RABEP1: variants seen among roughly 807,000 people sequenced by gnomAD.
RABEP1 encodes rab GTPase-binding effector protein 1.
RABEP1 carries 51 observed loss-of-function variants against 123.4 expected under a neutral mutation model. That is an observed-to-expected ratio of 0.41 (90% CI 0.33 to 0.52). The LOEUF is 0.52. Among genes scored for constraint, RABEP1 ranks in the 20% least tolerant of loss-of-function variants. The pLI is 0.16. For synonymous variants in RABEP1, 347 were observed against 355.2 expected (o/e 0.98, Z 0.26); for missense variants, 888 against 996.3 (o/e 0.89, Z 1.46).
intron 2 of RABEP1, among the ~76,000 whole-genome samples, chr17:5,314,735 G>T (rs1336993435): frequency 6.6e-6 from 1 of 152,220 alleles, no homozygotes; most frequent in East Asian, 1.9e-4. Context: ...AGCCATGATG[G>T]TCTCGATCTC....
chr17:5,350,241 A>G (rs1467469843), intron 6 of RABEP1, among the ~76,000 whole-genome samples: 1 of 152,116 alleles, frequency 6.6e-6, no homozygotes, highest in Non-Finnish European at 1.5e-5. Context: ...TTAGCCGGGC[A>G]TGGTGGCAGG....
chr17:5,306,824 T>C (rs2075183571), intron 1 of RABEP1, among the ~76,000 whole-genome samples: 1 of 152,208 alleles, frequency 6.6e-6, no homozygotes, highest in South Asian at 2.1e-4. Context: ...AGCTAACATT[T>C]ATCAAGTTAT....
intron 1 of RABEP1, among the ~76,000 whole-genome samples, chr17:5,305,616 G>A (rs1450978500): frequency 6.6e-6 from 1 of 152,010 alleles, no homozygotes; most frequent in Non-Finnish European, 1.5e-5. Flanking sequence ...AAGAACAGAG[G>A]GATTTTGGTT....
intron 1 of RABEP1, among the ~76,000 whole-genome samples, chr17:5,288,710 C>A (rs2075003234): frequency 6.7e-6 from 1 of 148,266 alleles, no homozygotes; most frequent in Non-Finnish European, 1.5e-5. Flanking sequence ...TATTTCTTTT[C>A]TTTATTTTTT....
chr17:5,352,115 T>C (rs1908607021), intron 7 of RABEP1, among the ~76,000 whole-genome samples: 1 of 152,206 alleles, frequency 6.6e-6, no homozygotes, highest in Non-Finnish European at 1.5e-5. Context: ...GCAAAGTTTC[T>C]TCTTTTTTAA....
intron 13 of RABEP1, 30 bp downstream of exon 13, chr17:5,373,484 TCAA>T (rs1296649293): frequency 1.3e-6 from 2 of 1,574,376 alleles, no homozygotes; most frequent in African/African-American, 1.4e-5. Flanking sequence ...ATCAAAAATG[TCAA>T]CAAGTACGTT....
chr17:5,311,647 G>A (rs894371136), intron 2 of RABEP1, among the ~76,000 whole-genome samples: 2 of 124,320 alleles, frequency 1.6e-5, no homozygotes, highest in African/African-American at 6.0e-5. Flanking sequence ...AGCAAGCTGA[G>A]ATTGTGCCAC....
chr17:5,331,592 C>G (rs1361723940), intron 2 of RABEP1, among the ~76,000 whole-genome samples: 1 of 152,148 alleles, frequency 6.6e-6, no homozygotes, highest in Admixed American at 6.5e-5. Flanking sequence ...AGGTAATGTA[C>G]TAATTAGCGT....
chr17:5,345,267 T>G (rs1046653503), intron 5 of RABEP1, among the ~76,000 whole-genome samples: 2 of 152,206 alleles, frequency 1.3e-5, no homozygotes, highest in Non-Finnish European at 2.9e-5. Context: ...TTCTCTGTAT[T>G]TTCTCCTGCA....
chr17:5,355,956 C>A (rs1908976654), intron 8 of RABEP1, among the ~76,000 whole-genome samples: 1 of 152,044 alleles, frequency 6.6e-6, no homozygotes, highest in Non-Finnish European at 1.5e-5. Flanking sequence ...TTTCATCATG[C>A]AGTAATCTAT....
At chr17:5,358,657 C>G (rs375506806) in intron 8 of RABEP1, among the ~76,000 whole-genome samples, 1 of 148,246 alleles carries the variant, frequency 6.7e-6, no homozygotes, top group South Asian at 2.2e-4. Context: ...AGTGACAGAG[C>G]GAGACTGTCT....
intron 16 of RABEP1, 145 bp downstream of exon 16, chr17:5,380,607 A>G: frequency 1.4e-6 from 1 of 732,642 alleles, no homozygotes; most frequent in Non-Finnish European, 2.4e-6. Flanking sequence ...AAAAGAAAAA[A>G]CTTAAACGAA....
At chr17:5,308,899 T>G in intron 2 of RABEP1, 77 bp downstream of exon 2, 2 of 1,323,942 alleles carry the variant, frequency 1.5e-6, no homozygotes, top group Non-Finnish European at 2.0e-6. Flanking sequence ...GTAGTGTTAA[T>G]TTTATCATTG....
chr17:5,331,902 C>T (rs141080663), intron 2 of RABEP1, 47 bp from the exon 3 acceptor site: 20 of 1,532,860 alleles, frequency 1.3e-5, no homozygotes, highest in South Asian at 4.6e-5. Flanking sequence ...GAATGCCAGT[C>T]TGATCAAAGT....
chr17:5,384,723 A>G lies in RABEP1; in HGVS notation c.*1500A>G, dbSNP rs1005183213. On this transcript the variant is annotated 3_prime_UTR_variant, in exon 18 of 18. Coordinates refer to ENST00000537505, the MANE Select transcript of RABEP1 (RefSeq NM_004703.6). ...GTTATGAATTTAAAAATAAATACCA[A>G]TTATGGAAATAGTACTAAAGGCTTG... The G allele has an allele frequency of 1.1e-3, 223 of 211,084 alleles. 3 individuals are homozygous for G. The East Asian group carries it at 0.017, about 16-fold the overall frequency. The allele number at this position is 211,084 out of a possible 1,614,324, so 13.1% of individuals were successfully genotyped here. A position where few individuals can be genotyped will look rare whatever the true frequency, so the allele number is the denominator to read the frequency against.
intron 1 of RABEP1, among the ~76,000 whole-genome samples, chr17:5,304,029 C>T (rs7208098): frequency 0.16 from 18,734 of 119,788 alleles, 1,901 homozygotes; most frequent in East Asian, 0.5. Context: ...AGCGAAATTC[C>T]ATCTCAAAAA....
intron 1 of RABEP1, among the ~76,000 whole-genome samples, chr17:5,302,262 A>ATTTTTTTTTTTTT: frequency 3.7e-5 from 1 of 27,244 alleles, no homozygotes; most frequent in African/African-American, 5.0e-4. Flanking sequence ...TTTTTTTGAG[A>ATTTTTTTTTTTTT]TGGAGTCTTG....
intron 2 of RABEP1, among the ~76,000 whole-genome samples, chr17:5,331,055 TAAAG>T (rs78916371): frequency 2.9e-5 from 2 of 67,950 alleles, no homozygotes; most frequent in African/African-American, 1.3e-4. Flanking sequence ...TTTTTTTTTT[TAAAG>T]AAACACAGCG....
chr17:5,328,811 C>G (rs568187724), intron 2 of RABEP1, among the ~76,000 whole-genome samples: 1 of 151,376 alleles, frequency 6.6e-6, no homozygotes, highest in Non-Finnish European at 1.5e-5. Flanking sequence ...ATTCGCCAGG[C>G]GCAGTGGCAG....
Sources: gnomAD v4.1 joint callset for allele counts (sites outside exome capture counted in the v4.1 genomes callset) on GRCh38, gnomAD v4.1.1 for gene constraint, MANE v1.5 for transcripts, NCBI Gene and HGNC (gene_info 2026-07-23, HGNC 2026-07-21) for gene names.